CALN1: variants seen among roughly 807,000 people sequenced by gnomAD.
CALN1 encodes calneuron 1.
In CALN1, 17 loss-of-function variants were observed where a neutral mutation model predicts 30.6. The ratio of observed to expected loss-of-function variants is 0.56; its 90% CI spans 0.38 to 0.83. The LOEUF (loss-of-function observed/expected upper bound fraction) is 0.83. Ranked by LOEUF, CALN1 falls within the 40% of genes least tolerant of loss-of-function variation. CALN1 has a pLI of 0.00. For synonymous variants in CALN1, 156 were observed against 131.4 expected, an observed-to-expected ratio of 1.19 and a Z score of -1.28; for missense variants, 291 against 354.9, an observed-to-expected ratio of 0.82 and a Z score of 1.45.
At chr7:72,208,337 TG>T (rs1792044159) in intron 3 of CALN1, among the ~76,000 whole-genome samples, 1 of 152,230 alleles carries the variant, frequency 6.6e-6, no homozygotes, top group Non-Finnish European at 1.5e-5. Flanking sequence ...TTCACACTGG[TG>T]GTTTCTAATA....
chr7:71,796,630 T>A (rs1786943951), intron 6 of CALN1, among the ~76,000 whole-genome samples: 1 of 152,164 alleles, frequency 6.6e-6, no homozygotes, highest in Non-Finnish European at 1.5e-5. Flanking sequence ...AGTGCTGAGA[T>A]TACAGGCGTG....
In CALN1 at chr7:72,191,319, A is replaced by C. The variant is rs80037653; in HGVS notation, c.245-85025T>G. Among the ~76,000 whole-genome samples the C allele has an allele frequency of 6.2e-3, 949 of 152,220 alleles. 8 individuals are homozygous for C. Among genetic ancestry groups the C allele is most frequent in the South Asian group, 0.031 (147 of 4,816 alleles). On this transcript the variant is annotated intron_variant, in intron 3 of 6. Transcript: ENST00000395275. ...AAGGAGAAATGAAGGATGGCAGAGGAGGCCAGCCATGGTGGCTCACGACTG... is the reference window on the plus strand; with the variant it reads ...AAGGAGAAATGAAGGATGGCAGAGGCGGCCAGCCATGGTGGCTCACGACTG...
At chr7:72,246,569 G>C (rs1461983286) in intron 3 of CALN1, among the ~76,000 whole-genome samples, 1 of 152,112 alleles carries the variant, frequency 6.6e-6, no homozygotes, top group Admixed American at 6.6e-5. Flanking sequence ...TCTCTTTCGA[G>C]AGAATGTTTT....
At chr7:72,467,192 C>CT in the CALN1 span, among the ~76,000 whole-genome samples, 1 of 152,196 alleles carries the variant, frequency 6.6e-6, no homozygotes, top group African/African-American at 2.4e-5. Flanking sequence ...CGAGAGCTCT[C>CT]AGGCCCTCTC....
At chr7:72,259,837 G>A (rs1796152475) in intron 3 of CALN1, among the ~76,000 whole-genome samples, 1 of 152,124 alleles carries the variant, frequency 6.6e-6, no homozygotes, top group Admixed American at 6.5e-5. Context: ...AAGGGCTTCT[G>A]GTTGTTGCCC....
chr7:72,022,596 G>A (rs1218999168), intron 5 of CALN1, among the ~76,000 whole-genome samples: 2 of 152,082 alleles, frequency 1.3e-5, no homozygotes, highest in African/African-American at 2.4e-5. Flanking sequence ...ATCTCGCTAT[G>A]TTACCCAGAC....
At chr7:71,966,995 T>C (rs1020000427) in intron 5 of CALN1, among the ~76,000 whole-genome samples, 15 of 152,220 alleles carry the variant, frequency 9.9e-5, no homozygotes, top group Non-Finnish European at 1.9e-4. Context: ...TTCTGGAATA[T>C]TCTTTGCCAT....
In CALN1 at chr7:72,106,193, C is replaced by A. The variant is rs1210215066; in HGVS notation, c.346G>T (p.Glu116Ter). ...TGCATGATGATGGCCAGCTCCACCT[C>A]GCTTGGCATGTACCCCAAAGAGCGC... ...AMRSLGYMPS[E>*]VELAIIMQRL... Residue 116 changes from glutamate (E) to a stop codon, truncating the protein, a stop_gained, in exon 4 of 7, where the codon GAG becomes TAG. Transcript: ENST00000395275. LOFTEE classifies it high-confidence loss of function. 1 of 1,613,928 alleles carries A rather than the reference C, an allele frequency of 6.2e-7. No individual in the cohort carries two copies. Among genetic ancestry groups the A allele is most frequent in the Non-Finnish European group, 8.5e-7 (1 of 1,180,026 alleles).
intron 4 of CALN1, among the ~76,000 whole-genome samples, chr7:72,095,214 C>A (rs966944683): frequency 6.6e-6 from 1 of 152,102 alleles, no homozygotes. Context: ...ATAGTTAGCA[C>A]CTATGGCTTT....
At chr7:72,379,365 A>C (rs796100628) in intron 2 of CALN1, among the ~76,000 whole-genome samples, 4 of 152,354 alleles carry the variant, frequency 2.6e-5, no homozygotes, top group African/African-American at 9.6e-5. Flanking sequence ...ACCCTAAATA[A>C]AGTATATCCA....
intron 4 of CALN1, among the ~76,000 whole-genome samples, chr7:72,027,583 C>T (rs1404284798): frequency 2.0e-5 from 3 of 151,924 alleles, no homozygotes; most frequent in Non-Finnish European, 4.4e-5. Flanking sequence ...TGGTGGCGGG[C>T]ACCTGTAGTC....
chr7:72,493,072 A>G, the CALN1 span, among the ~76,000 whole-genome samples: 1 of 152,086 alleles, frequency 6.6e-6, no homozygotes, highest in Non-Finnish European at 1.5e-5. Flanking sequence ...CCACAACCTA[A>G]TTTTAAAACA....
intron 5 of CALN1, among the ~76,000 whole-genome samples, chr7:71,938,155 TC>T (rs1157317375): frequency 6.6e-6 from 1 of 152,158 alleles, no homozygotes; most frequent in Non-Finnish European, 1.5e-5. Flanking sequence ...GCTGCATTCT[TC>T]CCTGGGGTGG....
At chr7:72,486,406 C>G in the CALN1 span, among the ~76,000 whole-genome samples, 1 of 151,908 alleles carries the variant, frequency 6.6e-6, no homozygotes, top group Non-Finnish European at 1.5e-5. Flanking sequence ...GAGCCTTGTT[C>G]TGTCGCCCAG....
chr7:72,105,827 G>A (rs867636361), intron 4 of CALN1, among the ~76,000 whole-genome samples: 74 of 104,732 alleles, frequency 7.1e-4, no homozygotes, highest in Non-Finnish European at 1.2e-3. Context: ...GGAGGGAGAG[G>A]GGGATAGGGA....
intron 5 of CALN1, among the ~76,000 whole-genome samples, chr7:71,935,076 C>T (rs1291495999): frequency 1.3e-5 from 2 of 152,166 alleles, no homozygotes; most frequent in African/African-American, 4.8e-5. Flanking sequence ...ATATCAGGGT[C>T]ACCTTTCCAT....
At chr7:72,083,510 G>C (rs1805287971) in intron 4 of CALN1, among the ~76,000 whole-genome samples, 1 of 152,102 alleles carries the variant, frequency 6.6e-6, no homozygotes, top group African/African-American at 2.4e-5. Context: ...CTTGAGCCCA[G>C]GAGCTTGAGG....
upstream of CALN1, among the ~76,000 whole-genome samples, chr7:72,451,049 C>G (rs1808644953): frequency 6.6e-6 from 1 of 151,620 alleles, no homozygotes; most frequent in African/African-American, 2.4e-5. Flanking sequence ...CAGCTTTCTC[C>G]ACAGTTCCTC....
the CALN1 span, among the ~76,000 whole-genome samples, chr7:72,501,924 AAAAAATATATATAT>A: frequency 3.6e-5 from 3 of 84,266 alleles, no homozygotes; most frequent in Non-Finnish European, 6.5e-5. Flanking sequence ...AAAAAAAAAA[AAAAAATATATATAT>A]ATATATATAT....
Sources: gnomAD v4.1 joint callset for allele counts (sites outside exome capture counted in the v4.1 genomes callset) on GRCh38, gnomAD v4.1.1 for gene constraint, MANE v1.5 for transcripts, NCBI Gene and HGNC (gene_info 2026-07-23, HGNC 2026-07-21) for gene names.